The following DUSP11 variants were observed in gnomAD, a reference collection of about 807,000 sequenced individuals.
The protein encoded by DUSP11 is RNA/RNP complex-1-interacting phosphatase.
DUSP11 carries 27 observed loss-of-function variants against 41.4 expected under a neutral mutation model. That is an observed-to-expected ratio of 0.65 (90% CI 0.48 to 0.90). DUSP11 has a LOEUF of 0.90. Among genes scored for constraint, DUSP11 ranks in the 40% least tolerant of loss-of-function variants. The probability of loss-of-function intolerance (pLI) is 0.00; values close to 1 mark genes in which losing one functional copy is unlikely to be tolerated. For missense variants in DUSP11, 465 were observed against 461.1 expected, an observed-to-expected ratio of 1.01 and a Z score of -0.08; for synonymous variants, 188 against 159.3, an observed-to-expected ratio of 1.18 and a Z score of -1.35.
exon 1 of DUSP11, chr2:73,780,087 C>G (rs1288934095): frequency 1.9e-6 from 3 of 1,577,536 alleles, no homozygotes; most frequent in Non-Finnish European, 2.6e-6. Context: ...GCCACCTACG[C>G]CGCGCTCCAG....
intron 1 of DUSP11, chr2:73,779,562 G>C (rs1019295296): frequency 5.2e-6 from 2 of 387,226 alleles, no homozygotes; most frequent in Non-Finnish European, 4.7e-6. Flanking sequence ...AAGGAATTGA[G>C]GAGGTTCCAT....
At chr2:73,770,050 C>T (rs1489666953) in intron 4 of DUSP11, among the ~76,000 whole-genome samples, 3 of 152,130 alleles carry the variant, frequency 2.0e-5, no homozygotes, top group Non-Finnish European at 4.4e-5. Flanking sequence ...AAAGAAGGCA[C>T]TCATCAGCCA....
Position 73,779,870 on chromosome 2 carries a change from C to G in DUSP11, c.242+4G>C. On this transcript the variant is annotated splice_donor_region_variant and intron_variant, in intron 1 of 8. Transcript: ENST00000272444. ...GGCCACGCCAAGGGACCAAGACATA[C>G]TACCTTTCGGGGATGTGGTTTCCGC... 6.2e-7 allele frequency: 1 copy of G among 1,614,162 alleles called. No homozygotes were observed. Among genetic ancestry groups the G allele is most frequent in the Non-Finnish European group, 8.5e-7 (1 of 1,179,994 alleles).
Position 73,779,854 on chromosome 2 carries a change from A to C in DUSP11, c.242+20T>G, listed in dbSNP as rs762788629. On this transcript the variant is annotated intron_variant, in intron 1 of 8. Transcript: ENST00000272444. ...AGCCACGAGCTGGAAAGGCCACGCC[A>C]AGGGACCAAGACATACTACCTTTCG... 6.2e-7 allele frequency: 1 copy of C among 1,612,682 alleles called. No homozygotes were observed. Among genetic ancestry groups the C allele is most frequent in the African/African-American group, 1.3e-5 (1 of 74,908 alleles).
chr2:73,773,116 GC>G (rs1672617474), intron 4 of DUSP11: 1 of 152,212 alleles, frequency 6.6e-6, no homozygotes, highest in Non-Finnish European at 1.5e-5. Context: ...AGATAAAGAA[GC>G]TGTTAAGTTC....
At chr2:73,779,783 C>A in intron 1 of DUSP11, 91 bp downstream of exon 1, 2 of 1,560,674 alleles carry the variant, frequency 1.3e-6, no homozygotes, top group Non-Finnish European at 1.7e-6. Context: ...CTTGCGATGG[C>A]AACGGCGAGA....
chr2:73,767,326 C>T (rs1672484057), intron 5 of DUSP11, 119 bp from the exon 6 acceptor site: 2 of 756,770 alleles, frequency 2.6e-6, no homozygotes, highest in African/African-American at 3.5e-5. Flanking sequence ...AAAATATCAG[C>T]ACATCAAATC....
intron 4 of DUSP11, 82 bp downstream of exon 4, chr2:73,773,718 G>T: frequency 7.3e-7 from 1 of 1,377,676 alleles, no homozygotes; most frequent in Non-Finnish European, 9.9e-7. Flanking sequence ...ACAGGTCTGA[G>T]GTTGGAACTA....
exon 1 of DUSP11, chr2:73,780,149 T>A: frequency 1.3e-6 from 2 of 1,550,898 alleles, no homozygotes; most frequent in Non-Finnish European, 1.7e-6. Flanking sequence ...GTAGCCACGC[T>A]GGCTTACTGA....
Position 73,775,007 on chromosome 2 carries a change from G to T in DUSP11, c.356C>A (p.Ser119Tyr), listed in dbSNP as rs372040488. 2.0e-5 allele frequency: 33 copies of T among 1,612,132 alleles called. No individual in the cohort carries two copies. The highest frequency in any genetic ancestry group is 2.7e-5 in the African/African-American group (2 of 74,842). Reference sequence around the variant, plus strand: ...GATTTTGTTAAAAAGATCCAAAGGGGAAAAGCATTCTTCTGGAGCAAGTTT... The same window carrying T: ...GATTTTGTTAAAAAGATCCAAAGGGTAAAAGCATTCTTCTGGAGCAAGTTT... Residue 119 changes from serine (S) to tyrosine (Y), a missense_variant, in exon 3 of 9, where the codon TCC becomes TAC. Coordinates refer to ENST00000272444, the Ensembl canonical transcript of DUSP11.
At chr2:73,773,918 C>T (rs752718443) in exon 4 of DUSP11, 5 of 1,592,498 alleles carry the variant, frequency 3.1e-6, no homozygotes, top group South Asian at 1.1e-5. Context: ...CAGTTTCTGG[C>T]AAATCCTATA....
intron 5 of DUSP11, chr2:73,769,014 T>C: frequency 2.8e-6 from 1 of 351,688 alleles, no homozygotes; most frequent in Admixed American, 4.7e-5. Flanking sequence ...AAGATGTCTA[T>C]CACATATTAA....
rs1037556540 is a variant in DUSP11 at position 73,769,982 on chromosome 2, A to T, written c.575-657T>A. Among the ~76,000 whole-genome samples, 27 of 152,104 alleles carry T rather than the reference A, an allele frequency of 1.8e-4. No individual in the cohort carries two copies. In the East Asian group the frequency reaches 2.3e-3, roughly 13 times the overall value. On this transcript the variant is annotated intron_variant, in intron 4 of 8. Transcript: ENST00000272444. ...TAAAAAATTACATGAGGAATTAAAT[A>T]AAAAAAAGTGTAGTTTATCTTTGCA...
intron 3 of DUSP11, 145 bp from the exon 4 acceptor site, chr2:73,774,068 C>T (rs1672634915): frequency 1.8e-6 from 1 of 559,806 alleles, no homozygotes; most frequent in South Asian, 5.6e-5. Flanking sequence ...GATAAAAGAG[C>T]CATTTTTTCC....
exon 3 of DUSP11, chr2:73,774,971 T>C: frequency 6.2e-7 from 1 of 1,612,756 alleles, no homozygotes; most frequent in Non-Finnish European, 8.5e-7. Context: ...AAGTTCTTCA[T>C]TTTGTTCTCG....
At chr2:73,769,650 G>C (rs1292561922) in intron 4 of DUSP11, among the ~76,000 whole-genome samples, 3 of 152,180 alleles carry the variant, frequency 2.0e-5, no homozygotes, top group African/African-American at 7.2e-5. Context: ...AACAGGCTAA[G>C]AGAAGAATGA....
chr2:73,775,543 CTT>C (rs35764115), intron 2 of DUSP11, among the ~76,000 whole-genome samples: 150 of 135,152 alleles, frequency 1.1e-3, no homozygotes, highest in Non-Finnish European at 1.4e-3. Context: ...CACACCTGGC[CTT>C]TTTTTTTTTT....
intron 2 of DUSP11, among the ~76,000 whole-genome samples, chr2:73,775,312 G>GT (rs1316949903): frequency 6.7e-6 from 1 of 150,122 alleles, no homozygotes; most frequent in African/African-American, 2.5e-5. Context: ...ATTCACCACT[G>GT]TATCTCCAGC....
chr2:73,769,482 TG>T (rs1050368204), intron 4 of DUSP11, among the ~76,000 whole-genome samples, 157 bp from the exon 5 acceptor site: 12 of 152,232 alleles, frequency 7.9e-5, no homozygotes, highest in African/African-American at 2.9e-4. Context: ...TCACTGCTTC[TG>T]GGAAACTTTG....
Sources: gnomAD v4.1 joint callset for allele counts (sites outside exome capture counted in the v4.1 genomes callset) on GRCh38, gnomAD v4.1.1 for gene constraint, MANE v1.5 for transcripts, NCBI Gene and HGNC (gene_info 2026-07-23, HGNC 2026-07-21) for gene names.